STEAP1B: variants seen among roughly 807,000 people sequenced by gnomAD.
The protein encoded by STEAP1B is STEAP family protein MGC87042.
STEAP1B carries 13 observed loss-of-function variants against 27.9 expected under a neutral mutation model. That is an observed-to-expected ratio of 0.47 (90% CI 0.30 to 0.74). The LOEUF is 0.74. STEAP1B is among the 30% of genes least tolerant of loss of function. The probability of loss-of-function intolerance (pLI) is 0.06; values close to 1 mark genes in which losing one functional copy is unlikely to be tolerated. For missense variants in STEAP1B, 250 were observed against 298.7 expected (o/e 0.84, Z 1.20); for synonymous variants, 86 against 107.1 (o/e 0.80, Z 1.22).
intron 4 of STEAP1B, among the ~76,000 whole-genome samples, chr7:22,468,417 C>A (rs1226564617): frequency 6.6e-6 from 1 of 152,112 alleles, no homozygotes; most frequent in East Asian, 1.9e-4. Flanking sequence ...AAATGCAGAG[C>A]CACCGGAATT....
chr7:22,476,583 G>C (rs76598438), intron 4 of STEAP1B, among the ~76,000 whole-genome samples: 3,464 of 152,306 alleles, frequency 0.023, 50 homozygotes, highest in South Asian at 0.03. Context: ...ACAGGGTTCA[G>C]ATGTTCCTCA....
In STEAP1B at chr7:22,493,497, G is replaced by T. The variant is rs777306768; in HGVS notation, c.424C>A (p.His142Asn). 6.2e-7 allele frequency: 1 copy of T among 1,613,576 alleles called. No homozygotes were observed. The highest frequency in any genetic ancestry group is 1.1e-5 in the South Asian group (1 of 91,062). Residue 142 changes from histidine to asparagine, a missense_variant, in exon 3 of 5, where the codon CAT becomes AAT. Transcript: ENST00000678116. ...PGVIAAIVQV[H>N]NGTKYKKFPH... is the part of the protein sequence containing the mutation. Reference sequence around the variant, plus strand: ...AACTTCTTATACTTGGTTCCATTATGAACTTGGACAATTGCTGCTATCACA... The same window carrying T: ...AACTTCTTATACTTGGTTCCATTATTAACTTGGACAATTGCTGCTATCACA...
At chr7:22,495,522 A>C (rs1015546695) in intron 1 of STEAP1B, 3 of 152,232 alleles carry the variant, frequency 2.0e-5, no homozygotes, top group Non-Finnish European at 4.4e-5. Context: ...TTGATAAAAG[A>C]AGCTTTTCCT....
intron 4 of STEAP1B, among the ~76,000 whole-genome samples, chr7:22,462,281 G>GC (rs1438122566): frequency 3.3e-5 from 5 of 150,460 alleles, no homozygotes; most frequent in African/African-American, 1.2e-4. Flanking sequence ...TGCACAATGT[G>GC]CAGGTTAGTT....
chr7:22,426,340 CA>C (rs533813457), intron 4 of STEAP1B, among the ~76,000 whole-genome samples: 7 of 150,236 alleles, frequency 4.7e-5, no homozygotes, highest in Admixed American at 2.6e-4. Context: ...CCTCAAAGGA[CA>C]AAAAAAAATG....
At chr7:22,451,080 C>T (rs1236144245) in intron 4 of STEAP1B, among the ~76,000 whole-genome samples, 1 of 151,822 alleles carries the variant, frequency 6.6e-6, no homozygotes, top group African/African-American at 2.4e-5. Context: ...ACCTGTAATC[C>T]CAGCTACTCA....
intron 4 of STEAP1B, among the ~76,000 whole-genome samples, chr7:22,451,507 C>G (rs752467555): frequency 3.9e-5 from 6 of 152,086 alleles, no homozygotes; most frequent in Non-Finnish European, 8.8e-5. Context: ...TTTGTTTTTC[C>G]CCATTTAATA....
At chr7:22,474,027 G>A (rs1785931218) in intron 4 of STEAP1B, among the ~76,000 whole-genome samples, 1 of 152,148 alleles carries the variant, frequency 6.6e-6, no homozygotes, top group South Asian at 2.1e-4. Flanking sequence ...AAGGTCAAAG[G>A]GGTAATATAA....
At chr7:22,472,255 C>A (rs576325507) in intron 4 of STEAP1B, among the ~76,000 whole-genome samples, 1 of 152,134 alleles carries the variant, frequency 6.6e-6, no homozygotes, top group African/African-American at 2.4e-5. Context: ...AAGTTGAAAC[C>A]CCATATCTGG....
At chr7:22,464,341 CTGGACAGCTGTT>C (rs1410500672) in intron 4 of STEAP1B, among the ~76,000 whole-genome samples, 1 of 152,188 alleles carries the variant, frequency 6.6e-6, no homozygotes, top group Non-Finnish European at 1.5e-5. Context: ...TGACTGCTGT[CTGGACAGCTGTT>C]CGGGTTTACT....
intron 4 of STEAP1B, among the ~76,000 whole-genome samples, chr7:22,439,583 A>T (rs1469232589): frequency 6.6e-6 from 1 of 152,200 alleles, no homozygotes; most frequent in Non-Finnish European, 1.5e-5. Context: ...ACATGTTTTT[A>T]TAGTAGTAAT....
At chr7:22,442,943 C>T (rs118022177) in intron 4 of STEAP1B, among the ~76,000 whole-genome samples, 6,443 of 152,238 alleles carry the variant, frequency 0.042, 203 homozygotes, top group Admixed American at 0.065. Context: ...CCAGGCTCAC[C>T]CCTACCCCCT....
chr7:22,489,847 T>C (rs1052819553), intron 4 of STEAP1B, among the ~76,000 whole-genome samples: 4 of 152,208 alleles, frequency 2.6e-5, no homozygotes, highest in Non-Finnish European at 5.9e-5. Context: ...TAAATTACCT[T>C]GGGCAGTATG....
chr7:22,454,679 G>T (rs1785543253), intron 4 of STEAP1B, among the ~76,000 whole-genome samples: 1 of 151,896 alleles, frequency 6.6e-6, no homozygotes, highest in Non-Finnish European at 1.5e-5. Context: ...CGAGGCTGCA[G>T]GTGCTGCAGG....
chr7:22,457,942 C>A (rs949569269), intron 4 of STEAP1B, among the ~76,000 whole-genome samples: 1 of 152,210 alleles, frequency 6.6e-6, no homozygotes, highest in African/African-American at 2.4e-5. Context: ...AAAACCCCAA[C>A]AGGATAAACC....
intron 3 of STEAP1B, 84 bp downstream of exon 3, chr7:22,493,240 G>C: frequency 7.2e-7 from 1 of 1,387,166 alleles, no homozygotes. Context: ...CAGGGTTGGG[G>C]TATTGATATT....
At chr7:22,434,428 T>C (rs919744776) in intron 4 of STEAP1B, among the ~76,000 whole-genome samples, 1 of 152,256 alleles carries the variant, frequency 6.6e-6, no homozygotes, top group African/African-American at 2.4e-5. Flanking sequence ...TCACCATAGA[T>C]TTCTCATATT....
At chr7:22,456,972 A>ATATATATATATATATATATATTT in intron 4 of STEAP1B, among the ~76,000 whole-genome samples, 3 of 57,042 alleles carry the variant, frequency 5.3e-5, no homozygotes, top group African/African-American at 2.1e-4. Context: ...ATATATATAT[A>ATATATATATATATATATATATTT]TTTTTTTTTT....
intron 1 of STEAP1B, among the ~76,000 whole-genome samples, chr7:22,499,893 C>G (rs968903371): frequency 1.3e-5 from 2 of 152,246 alleles, no homozygotes; most frequent in Non-Finnish European, 2.9e-5. Flanking sequence ...CAGCCCCCGG[C>G]CCGGCCACAA....
Sources: gnomAD v4.1 joint callset for allele counts (sites outside exome capture counted in the v4.1 genomes callset) on GRCh38, gnomAD v4.1.1 for gene constraint, MANE v1.5 for transcripts, NCBI Gene and HGNC (gene_info 2026-07-23, HGNC 2026-07-21) for gene names.